The following ESRRG variants were observed in gnomAD, a reference collection of about 807,000 sequenced individuals.
ESRRG encodes the protein estrogen related receptor gamma.
Under a neutral mutation model 44.0 loss-of-function variants are expected in ESRRG, and 13 were observed. That is an observed-to-expected ratio of 0.30 (90% CI 0.19 to 0.47). ESRRG has a LOEUF of 0.47. Among genes scored for constraint, ESRRG ranks in the 20% least tolerant of loss-of-function variants. The pLI, the probability that ESRRG is intolerant of heterozygous loss-of-function variation, is 1.00. For synonymous variants in ESRRG, 215 were observed against 214.6 expected, an observed-to-expected ratio of 1.00 and a Z score of -0.02; for missense variants, 395 against 580.6, an observed-to-expected ratio of 0.68 and a Z score of 3.29.
chr1:216,555,019 G>A (rs1273779021), intron 5 of ESRRG, among the ~76,000 whole-genome samples: 1 of 152,056 alleles, frequency 6.6e-6, no homozygotes, highest in Non-Finnish European at 1.5e-5. Flanking sequence ...ATTGAGTTCA[G>A]TTCAACTCCC....
chr1:216,797,900 T>C (rs1208411905), intron 2 of ESRRG, among the ~76,000 whole-genome samples: 2 of 151,912 alleles, frequency 1.3e-5, no homozygotes, highest in Admixed American at 1.3e-4. Flanking sequence ...GACTGGGGAG[T>C]CATGTTCCAC....
At chr1:216,733,483 T>C (rs1416177393) in intron 2 of ESRRG, among the ~76,000 whole-genome samples, 1 of 152,158 alleles carries the variant, frequency 6.6e-6, no homozygotes, top group Non-Finnish European at 1.5e-5. Context: ...TCTATTCAAT[T>C]ATTCAATCCT....
chr1:216,953,368 A>AC (rs964416390), intron 1 of ESRRG, among the ~76,000 whole-genome samples: 6 of 151,970 alleles, frequency 3.9e-5, no homozygotes, highest in Admixed American at 1.3e-4. Flanking sequence ...CATTTATGTA[A>AC]CCCCCCTGTT....
chr1:217,114,366 A>G (rs565844487), intron 1 of ESRRG, among the ~76,000 whole-genome samples: 1 of 152,090 alleles, frequency 6.6e-6, no homozygotes, highest in East Asian at 1.9e-4. Flanking sequence ...AGCCAGCAAG[A>G]TCTTGCATTC....
chr1:216,953,879 T>C (rs2067435023), intron 1 of ESRRG, among the ~76,000 whole-genome samples: 1 of 151,948 alleles, frequency 6.6e-6, no homozygotes, highest in Non-Finnish European at 1.5e-5. Context: ...ATTAAAACAA[T>C]CATATGGTTT....
At chr1:216,812,032 G>A (rs2094986889) in intron 2 of ESRRG, among the ~76,000 whole-genome samples, 1 of 152,084 alleles carries the variant, frequency 6.6e-6, no homozygotes, top group African/African-American at 2.4e-5. Context: ...TTAAAACAGA[G>A]GTAATACTGT....
chr1:216,949,565 A>G (rs1462849317), intron 1 of ESRRG, among the ~76,000 whole-genome samples: 1 of 152,178 alleles, frequency 6.6e-6, no homozygotes, highest in Non-Finnish European at 1.5e-5. Flanking sequence ...AACGTCTGAG[A>G]TCATAAGTGT....
At chr1:216,856,364 C>T (rs943996174) in intron 2 of ESRRG, among the ~76,000 whole-genome samples, 3 of 151,242 alleles carry the variant, frequency 2.0e-5, no homozygotes, top group African/African-American at 7.3e-5. Flanking sequence ...CACACACACA[C>T]ACACACACAC....
chr1:216,574,583 C>T (rs1258614330), intron 3 of ESRRG, among the ~76,000 whole-genome samples: 2 of 152,102 alleles, frequency 1.3e-5, no homozygotes, highest in Non-Finnish European at 2.9e-5. Flanking sequence ...ATACTCTAGC[C>T]TACTTTCCCA....
intron 2 of ESRRG, among the ~76,000 whole-genome samples, chr1:216,885,053 C>T (rs2096496066): frequency 6.6e-6 from 1 of 152,114 alleles, no homozygotes; most frequent in Non-Finnish European, 1.5e-5. Flanking sequence ...ATAAATCAAT[C>T]ACTACACCAC....
chr1:216,556,262 G>A (rs1176230715), intron 5 of ESRRG, among the ~76,000 whole-genome samples: 2 of 152,012 alleles, frequency 1.3e-5, no homozygotes, highest in African/African-American at 4.8e-5. Context: ...AGGTCTATAG[G>A]ATATTGATGT....
rs906542752 is a variant in ESRRG, at chr1:217,079,284, A to G, written c.-106+10223T>C. On this transcript the variant is annotated intron_variant, in intron 1 of 7. Transcript: ENST00000359162. ...TCTGTCTCTATGACAAGTCCAGGTT[A>G]TGGTATATTATATGGTATTTTTCAC... 3.3e-5 allele frequency among the ~76,000 whole-genome samples: 5 copies of G among 152,284 alleles called. No individual in the cohort carries two copies. In the East Asian group the frequency reaches 7.7e-4, roughly 24 times the overall value.
At chr1:216,603,542 CAT>C (rs1040209420) in intron 3 of ESRRG, among the ~76,000 whole-genome samples, 3 of 152,272 alleles carry the variant, frequency 2.0e-5, no homozygotes, top group Non-Finnish European at 2.9e-5. Context: ...AAGTCGGAGA[CAT>C]AAGCAAAAGA....
chr1:216,577,777 TAAA>T (rs1007130187), intron 3 of ESRRG, among the ~76,000 whole-genome samples: 12 of 151,354 alleles, frequency 7.9e-5, no homozygotes, highest in Non-Finnish European at 1.0e-4. Context: ...TAGATTTTTT[TAAA>T]AAAAAAGGAA....
intron 1 of ESRRG, among the ~76,000 whole-genome samples, chr1:217,132,027 C>G (rs897017912): frequency 6.6e-6 from 1 of 152,168 alleles, no homozygotes; most frequent in African/African-American, 2.4e-5. Flanking sequence ...GACCCCATTG[C>G]TGGAGCTCTG....
At chr1:216,916,487 T>C (rs2061183036) in intron 2 of ESRRG, among the ~76,000 whole-genome samples, 1 of 152,238 alleles carries the variant, frequency 6.6e-6, no homozygotes, top group South Asian at 2.1e-4. Flanking sequence ...AACATTTACA[T>C]GGCATTTGCC....
intron 3 of ESRRG, among the ~76,000 whole-genome samples, chr1:216,577,807 G>T (rs1275223920): frequency 6.6e-6 from 1 of 151,966 alleles, no homozygotes; most frequent in African/African-American, 2.4e-5. Context: ...GGCAGAGAAA[G>T]GTGCCATATG....
intron 1 of ESRRG, among the ~76,000 whole-genome samples, chr1:217,028,749 C>T (rs1188750459): frequency 6.6e-6 from 1 of 152,144 alleles, no homozygotes; most frequent in Non-Finnish European, 1.5e-5. Flanking sequence ...GGGTTATATG[C>T]CTAATTACAT....
intron 1 of ESRRG, among the ~76,000 whole-genome samples, chr1:217,108,236 GTCA>G: frequency 6.6e-6 from 1 of 152,220 alleles, no homozygotes; most frequent in Non-Finnish European, 1.5e-5. Context: ...CAAAATGTTA[GTCA>G]TCCTTCAAAT....
Sources: gnomAD v4.1 joint callset for allele counts (sites outside exome capture counted in the v4.1 genomes callset) on GRCh38, gnomAD v4.1.1 for gene constraint, MANE v1.5 for transcripts, NCBI Gene and HGNC (gene_info 2026-07-23, HGNC 2026-07-21) for gene names.